The following CSTPP1 variants were observed in gnomAD, a reference collection of about 807,000 sequenced individuals.
The protein encoded by CSTPP1 is centriolar satellite-associated tubulin polyglutamylase complex regulator 1.
chr11:46,942,628 A>G, the CSTPP1 span, among the ~76,000 whole-genome samples: 1 of 152,136 alleles, frequency 6.6e-6, no homozygotes, highest in Non-Finnish European at 1.5e-5. Context: ...TAGAAGAATC[A>G]CAATAAATTG....
At chr11:47,094,158 TG>T in the CSTPP1 span, among the ~76,000 whole-genome samples, 1 of 152,092 alleles carries the variant, frequency 6.6e-6, no homozygotes, top group Non-Finnish European at 1.5e-5. Context: ...TGGGAGGAAA[TG>T]GATTTTCTGT....
chr11:47,054,217 A>T, the CSTPP1 span, among the ~76,000 whole-genome samples: 2 of 148,886 alleles, frequency 1.3e-5, no homozygotes, highest in Admixed American at 1.3e-4. Flanking sequence ...AGGCTGAGGC[A>T]GGAGAATGGT....
the CSTPP1 span, among the ~76,000 whole-genome samples, chr11:47,158,385 GT>G: frequency 2.0e-5 from 3 of 151,890 alleles, no homozygotes; most frequent in East Asian, 3.9e-4. Flanking sequence ...AAAAACAAAA[GT>G]AGGGGAAGTC....
the CSTPP1 span, chr11:47,161,171 G>T: frequency 1.2e-6 from 2 of 1,614,222 alleles, no homozygotes; most frequent in Non-Finnish European, 8.5e-7. Context: ...CCCAGCAATG[G>T]ATGAAGAGCT....
At chr11:47,053,945 A>AAAAC in the CSTPP1 span, among the ~76,000 whole-genome samples, 1 of 151,994 alleles carries the variant, frequency 6.6e-6, no homozygotes, top group African/African-American at 2.4e-5. Flanking sequence ...CTGCTTCAAA[A>AAAAC]AAACAAACAA....
the CSTPP1 span, among the ~76,000 whole-genome samples, chr11:47,129,361 C>T: frequency 6.6e-6 from 1 of 152,188 alleles, no homozygotes; most frequent in Non-Finnish European, 1.5e-5. Flanking sequence ...CCAAAACTGC[C>T]TTCCATTTCC....
chr11:46,985,942 TCTTAAA>T, the CSTPP1 span, among the ~76,000 whole-genome samples: 3 of 152,178 alleles, frequency 2.0e-5, no homozygotes, highest in Non-Finnish European at 4.4e-5. Context: ...AACCAGTGAT[TCTTAAA>T]CTTAAGAGTA....
chr11:47,036,177 TA>T, the CSTPP1 span, among the ~76,000 whole-genome samples: 308 of 54,202 alleles, frequency 5.7e-3, 6 homozygotes, highest in African/African-American at 0.018. Flanking sequence ...TTATAATATA[TA>T]AATATATATT....
At chr11:47,085,616 G>A in the CSTPP1 span, among the ~76,000 whole-genome samples, 40 of 152,238 alleles carry the variant, frequency 2.6e-4, no homozygotes, top group Admixed American at 6.5e-4. Context: ...TAGGCTGGGC[G>A]CAGTGGCTCA....
chr11:47,076,529 T>C, the CSTPP1 span, among the ~76,000 whole-genome samples: 11 of 152,130 alleles, frequency 7.2e-5, no homozygotes, highest in African/African-American at 2.4e-4. Context: ...TCTAATATGA[T>C]AGCCAGAAGC....
the CSTPP1 span, among the ~76,000 whole-genome samples, chr11:46,963,232 A>G: frequency 6.6e-6 from 1 of 152,072 alleles, no homozygotes; most frequent in Admixed American, 6.5e-5. Context: ...TTTGCCATCA[A>G]GTACAATGTT....
the CSTPP1 span, among the ~76,000 whole-genome samples, chr11:47,074,093 A>G: frequency 6.6e-6 from 1 of 152,178 alleles, no homozygotes; most frequent in South Asian, 2.1e-4. Context: ...AATCCCAGCT[A>G]CTTGGGAGGC....
chr11:47,022,519 GC>G, the CSTPP1 span, among the ~76,000 whole-genome samples: 2 of 151,530 alleles, frequency 1.3e-5, no homozygotes, highest in Non-Finnish European at 2.9e-5. Context: ...ACAGGCGTGC[GC>G]CACCACACCT....
At chr11:46,974,760 T>G in the CSTPP1 span, among the ~76,000 whole-genome samples, 1 of 150,016 alleles carries the variant, frequency 6.7e-6, no homozygotes, top group Non-Finnish European at 1.5e-5. Flanking sequence ...GAGGCTGAGG[T>G]GGGAGGCTCG....
chr11:46,957,288 A>C, the CSTPP1 span, among the ~76,000 whole-genome samples: 3 of 152,154 alleles, frequency 2.0e-5, no homozygotes, highest in Non-Finnish European at 4.4e-5. Context: ...TGCTTAAGTA[A>C]GTTTTAGTGC....
At chr11:46,993,334 A>G in the CSTPP1 span, among the ~76,000 whole-genome samples, 24 of 147,666 alleles carry the variant, frequency 1.6e-4, no homozygotes, top group African/African-American at 4.7e-4. Context: ...CCTGAATGGT[A>G]TTGCCTAGGT....
chr11:47,012,303 A>T, the CSTPP1 span, among the ~76,000 whole-genome samples: 1 of 152,156 alleles, frequency 6.6e-6, no homozygotes, highest in African/African-American at 2.4e-5. Context: ...AATGACTGGG[A>T]GATGGAAATC....
chr11:47,015,724 C>G, the CSTPP1 span, among the ~76,000 whole-genome samples: 2 of 151,852 alleles, frequency 1.3e-5, no homozygotes, highest in Non-Finnish European at 2.9e-5. Flanking sequence ...ACCAATATTC[C>G]TTGTCACAAA....
chr11:47,035,562 T>C, the CSTPP1 span, among the ~76,000 whole-genome samples: 1 of 152,214 alleles, frequency 6.6e-6, no homozygotes, highest in East Asian at 1.9e-4. Context: ...TAGTACAGTA[T>C]GAGCTACAGT....
Sources: gnomAD v4.1 joint callset for allele counts (sites outside exome capture counted in the v4.1 genomes callset) on GRCh38, gnomAD v4.1.1 for gene constraint, MANE v1.5 for transcripts, NCBI Gene and HGNC (gene_info 2026-07-23, HGNC 2026-07-21) for gene names.